The following CDH18 variants were observed in gnomAD, a reference collection of about 807,000 sequenced individuals.
CDH18 encodes the protein cadherin 18, also known as cadherin-18.
In CDH18, 31 loss-of-function variants were observed where a neutral mutation model predicts 67.9. The observed-to-expected ratio is 0.46, with a 90% confidence interval of 0.34 to 0.62. The LOEUF (loss-of-function observed/expected upper bound fraction) is 0.62, where lower values mean the gene tolerates loss of function less well. Among genes scored for constraint, CDH18 ranks in the 20% least tolerant of loss-of-function variants. The pLI is 0.01. For synonymous variants in CDH18, 362 were observed against 347.2 expected (o/e 1.04, Z -0.48); for missense variants, 890 against 975.5 (o/e 0.91, Z 1.17).
At chr5:20,163,628 A>G (rs535311064) in intron 2 of CDH18, among the ~76,000 whole-genome samples, 2 of 152,212 alleles carry the variant, frequency 1.3e-5, no homozygotes, top group Non-Finnish European at 2.9e-5. Context: ...ATGATCTCTC[A>G]GCAGCCAATG....
intron 11 of CDH18, among the ~76,000 whole-genome samples, chr5:19,494,197 CT>C (rs367627093): frequency 6.6e-6 from 1 of 152,176 alleles, no homozygotes; most frequent in Non-Finnish European, 1.5e-5. Context: ...AGGATAATTT[CT>C]TTAGTTATTC....
chr5:20,562,076 T>C (rs965257975), intron 1 of CDH18, among the ~76,000 whole-genome samples: 2 of 151,828 alleles, frequency 1.3e-5, no homozygotes, highest in Non-Finnish European at 2.9e-5. Flanking sequence ...AGAAGTTTAA[T>C]TATAAAATTC....
chr5:20,101,970 C>T (rs1048819760), intron 2 of CDH18, among the ~76,000 whole-genome samples: 5 of 152,086 alleles, frequency 3.3e-5, no homozygotes, highest in Admixed American at 3.3e-4. Flanking sequence ...ACTCAGGAGG[C>T]TGAGGCAGGA....
intron 2 of CDH18, among the ~76,000 whole-genome samples, chr5:19,839,558 C>T (rs867570645): frequency 1.3e-5 from 2 of 151,926 alleles, no homozygotes; most frequent in African/African-American, 2.4e-5. Flanking sequence ...ACAAAATATC[C>T]CAAGGGCTGA....
At chr5:19,997,012 A>G (rs1357323267) in intron 2 of CDH18, among the ~76,000 whole-genome samples, 1 of 152,070 alleles carries the variant, frequency 6.6e-6, no homozygotes, top group African/African-American at 2.4e-5. Flanking sequence ...GAAAGAAGTT[A>G]CTAAAATGAA....
rs1349511619 is a variant in CDH18, at chr5:19,472,169, T to C, written c.*1057A>G. Among the ~76,000 whole-genome samples, 1 of 152,208 alleles carries C rather than the reference T, an allele frequency of 6.6e-6. No homozygotes were observed. The highest frequency in any genetic ancestry group is 2.4e-5 in the African/African-American group (1 of 41,456). ...TAAATGTAAGTCAACTATGATTCTA[T>C]GACATTTACGTTCATTGGAGGATAG... On this transcript the variant is annotated 3_prime_UTR_variant, in exon 13 of 13. Transcript: ENST00000382275.
At chr5:20,196,228 T>C (rs1359682224) in intron 2 of CDH18, among the ~76,000 whole-genome samples, 1 of 152,164 alleles carries the variant, frequency 6.6e-6, no homozygotes, top group African/African-American at 2.4e-5. Flanking sequence ...CAGAATATAT[T>C]GTCATAATAG....
At chr5:20,241,602 A>C (rs965219706) in intron 2 of CDH18, among the ~76,000 whole-genome samples, 3 of 152,116 alleles carry the variant, frequency 2.0e-5, no homozygotes, top group Admixed American at 2.0e-4. Context: ...CTGTAATTCC[A>C]GCACTTTGGG....
chr5:19,904,566 G>C (rs546692475), intron 2 of CDH18, among the ~76,000 whole-genome samples: 2 of 152,266 alleles, frequency 1.3e-5, no homozygotes, highest in East Asian at 1.9e-4. Context: ...TTATACGTAA[G>C]TTCTTGGGTA....
At chr5:19,643,357 A>G (rs1192682881) in intron 5 of CDH18, among the ~76,000 whole-genome samples, 2 of 152,166 alleles carry the variant, frequency 1.3e-5, no homozygotes, top group African/African-American at 2.4e-5. Context: ...AATGAAATCA[A>G]TATTTTGAGA....
At chr5:20,122,688 T>C (rs998107789) in intron 2 of CDH18, among the ~76,000 whole-genome samples, 7 of 151,632 alleles carry the variant, frequency 4.6e-5, no homozygotes, top group African/African-American at 1.4e-4. Flanking sequence ...ATGATTCTAC[T>C]GAATATTTCA....
chr5:20,244,642 T>A (rs1743235456), intron 2 of CDH18, among the ~76,000 whole-genome samples: 1 of 152,140 alleles, frequency 6.6e-6, no homozygotes, highest in South Asian at 2.1e-4. Flanking sequence ...AAAAATAAAG[T>A]AATAAAGTAT....
chr5:20,413,117 C>A (rs1461973493), intron 1 of CDH18, among the ~76,000 whole-genome samples: 1 of 152,170 alleles, frequency 6.6e-6, no homozygotes, highest in Non-Finnish European at 1.5e-5. Flanking sequence ...CAGCTTCATC[C>A]ATGTCCCTAC....
At chr5:19,908,636 T>A (rs997405616) in intron 2 of CDH18, among the ~76,000 whole-genome samples, 10 of 152,196 alleles carry the variant, frequency 6.6e-5, no homozygotes, top group Non-Finnish European at 1.3e-4. Flanking sequence ...CAACTATTCC[T>A]TATACAGTAT....
chr5:20,387,532 A>C (rs980841396), intron 1 of CDH18, among the ~76,000 whole-genome samples: 2 of 151,942 alleles, frequency 1.3e-5, no homozygotes, highest in African/African-American at 2.4e-5. Flanking sequence ...ATTTGACTTC[A>C]TCTTTTCCTA....
intron 6 of CDH18, among the ~76,000 whole-genome samples, chr5:19,594,578 T>C (rs1177585281): frequency 6.6e-6 from 1 of 152,214 alleles, no homozygotes; most frequent in East Asian, 1.9e-4. Flanking sequence ...TATCTGTCTG[T>C]ATGCCATTAC....
At chr5:19,954,764 A>G (rs1023740022) in intron 2 of CDH18, among the ~76,000 whole-genome samples, 2 of 152,000 alleles carry the variant, frequency 1.3e-5, no homozygotes, top group Admixed American at 1.3e-4. Context: ...ACACTAACTC[A>G]CACATACACA....
At chr5:20,383,751 T>C (rs1157125022) in intron 1 of CDH18, among the ~76,000 whole-genome samples, 2 of 152,162 alleles carry the variant, frequency 1.3e-5, no homozygotes, top group East Asian at 3.8e-4. Flanking sequence ...TGACAAGCCA[T>C]ATAATTACAG....
rs931185788 is a variant in CDH18, at chr5:19,651,878, T to G, written c.644-39277A>C. Among the ~76,000 whole-genome samples, 112 of 152,078 alleles carry G rather than the reference T, an allele frequency of 7.4e-4. 2 individuals are homozygous for G. The highest frequency in any genetic ancestry group is 1.3e-4 in the Admixed American group (2 of 15,260). On this transcript the variant is annotated intron_variant, in intron 5 of 12. Coordinates refer to ENST00000382275, the MANE Select transcript of CDH18 (RefSeq NM_004934.5). ...CTTACTTTTTATTAGCTCTGTGAAT[T>G]TACTTAACCTCTCAGAATAGCAGTT...
Sources: gnomAD v4.1 joint callset for allele counts (sites outside exome capture counted in the v4.1 genomes callset) on GRCh38, gnomAD v4.1.1 for gene constraint, MANE v1.5 for transcripts, NCBI Gene and HGNC (gene_info 2026-07-23, HGNC 2026-07-21) for gene names.